The following SORCS1 variants were observed in gnomAD, a reference collection of about 807,000 sequenced individuals.
SORCS1 encodes the protein sortilin related VPS10 domain containing receptor 1, also known as VPS10 domain-containing receptor SorCS1.
In SORCS1, 60 loss-of-function variants were observed where a neutral mutation model predicts 146.1. The observed-to-expected ratio is 0.41, with a 90% CI of 0.33 to 0.51. The LOEUF (loss-of-function observed/expected upper bound fraction) is 0.51. Ranked by LOEUF, SORCS1 falls within the 20% of genes least tolerant of loss-of-function variation. SORCS1 has a pLI of 0.21. For synonymous variants in SORCS1, 637 were observed against 584.0 expected (o/e 1.09, Z -1.31); for missense variants, 1,352 against 1,487.6 (o/e 0.91, Z 1.50).
At chr10:106,874,206 T>C (rs1950521390) in intron 2 of SORCS1, among the ~76,000 whole-genome samples, 1 of 152,232 alleles carries the variant, frequency 6.6e-6, no homozygotes, top group Non-Finnish European at 1.5e-5. Flanking sequence ...TTAAATCTTA[T>C]ATATTATCAG....
chr10:106,645,570 G>A (rs1304063012), intron 18 of SORCS1, among the ~76,000 whole-genome samples: 2 of 152,006 alleles, frequency 1.3e-5, no homozygotes, highest in African/African-American at 4.8e-5. Flanking sequence ...GCATTACATA[G>A]GGATGTTCCG....
chr10:106,596,427 G>A (rs990616474), intron 24 of SORCS1, among the ~76,000 whole-genome samples: 2 of 152,124 alleles, frequency 1.3e-5, no homozygotes, highest in Non-Finnish European at 2.9e-5. Flanking sequence ...GTTTCTAAGT[G>A]CTTGTATTAT....
chr10:106,829,782 T>C (rs969246077), intron 2 of SORCS1, 109 bp from the exon 3 acceptor site: 2 of 695,078 alleles, frequency 2.9e-6, no homozygotes, highest in Admixed American at 4.3e-5. Flanking sequence ...GGTTTCTCAA[T>C]GATTCATGTA....
chr10:106,778,701 C>T (rs1385871212), intron 3 of SORCS1, among the ~76,000 whole-genome samples: 2 of 152,092 alleles, frequency 1.3e-5, no homozygotes, highest in Non-Finnish European at 2.9e-5. Flanking sequence ...TGCACTACTG[C>T]CGAAAAGTCA....
intron 2 of SORCS1, among the ~76,000 whole-genome samples, chr10:106,842,659 C>T (rs1437502499): frequency 1.3e-5 from 2 of 152,154 alleles, no homozygotes; most frequent in Non-Finnish European, 2.9e-5. Flanking sequence ...TGTTGTTTCC[C>T]AGGCTGGAGT....
At chr10:106,839,317 A>G (rs1948921107) in intron 2 of SORCS1, among the ~76,000 whole-genome samples, 1 of 152,214 alleles carries the variant, frequency 6.6e-6, no homozygotes, top group Non-Finnish European at 1.5e-5. Context: ...AAAGTCAAAC[A>G]GGTTTATTGC....
At chr10:106,941,857 C>A (rs562836098) in intron 2 of SORCS1, among the ~76,000 whole-genome samples, 1 of 152,134 alleles carries the variant, frequency 6.6e-6, no homozygotes, top group Non-Finnish European at 1.5e-5. Flanking sequence ...CAGGGACTGC[C>A]GGTTGTGGTT....
chr10:106,998,157 C>T (rs937477411), intron 1 of SORCS1, among the ~76,000 whole-genome samples: 9 of 152,172 alleles, frequency 5.9e-5, no homozygotes, highest in South Asian at 2.1e-4. Flanking sequence ...TGTTTATATC[C>T]GCTGCTTTTA....
chr10:106,980,132 A>G (rs1162862575), intron 1 of SORCS1, among the ~76,000 whole-genome samples: 2 of 152,216 alleles, frequency 1.3e-5, no homozygotes, highest in African/African-American at 4.8e-5. Flanking sequence ...TATTTGTAAA[A>G]TCTAACAAAT....
intron 2 of SORCS1, among the ~76,000 whole-genome samples, chr10:106,908,885 C>T (rs753494218): frequency 1.5e-4 from 23 of 152,194 alleles, no homozygotes; most frequent in African/African-American, 4.3e-4. Flanking sequence ...CAGCCTCCAC[C>T]ACCCAATTTC....
chr10:106,709,495 C>A (rs1027806363), intron 6 of SORCS1, among the ~76,000 whole-genome samples, 154 bp from the exon 7 acceptor site: 14 of 131,114 alleles, frequency 1.1e-4, no homozygotes, highest in Non-Finnish European at 2.1e-4. Context: ...GTCGCCCAGG[C>A]TGGAGTGCAG....
chr10:106,708,245 GGTGTGTGT>G (rs58427067), intron 7 of SORCS1, among the ~76,000 whole-genome samples: 3 of 148,798 alleles, frequency 2.0e-5, no homozygotes, highest in South Asian at 2.1e-4. Context: ...ATAAAGAAAT[GGTGTGTGT>G]GTGTGTGTGT....
At chr10:107,039,963 T>C (rs1298958541) in intron 1 of SORCS1, among the ~76,000 whole-genome samples, 5 of 152,026 alleles carry the variant, frequency 3.3e-5, no homozygotes, top group Admixed American at 1.3e-4. Flanking sequence ...AGAAAAAAAT[T>C]AGCCAGGCTC....
chr10:106,747,335 G>A (rs1857814256), intron 5 of SORCS1, among the ~76,000 whole-genome samples: 1 of 152,208 alleles, frequency 6.6e-6, no homozygotes. Flanking sequence ...GACAGACCAA[G>A]TTCCATTCCC....
chr10:106,595,837 T>C (rs1845874991), intron 24 of SORCS1, among the ~76,000 whole-genome samples: 1 of 152,202 alleles, frequency 6.6e-6, no homozygotes, highest in Non-Finnish European at 1.5e-5. Context: ...ACTTTAAGGT[T>C]CTTCCTCGAA....
intron 1 of SORCS1, among the ~76,000 whole-genome samples, chr10:107,147,774 T>C (rs1032599634): frequency 2.0e-5 from 3 of 152,140 alleles, no homozygotes; most frequent in African/African-American, 7.2e-5. Flanking sequence ...AATACTGGCA[T>C]ATAAAAATAA....
intron 1 of SORCS1, among the ~76,000 whole-genome samples, chr10:107,115,989 A>G (rs978389094): frequency 6.6e-6 from 1 of 152,108 alleles, no homozygotes; most frequent in African/African-American, 2.4e-5. Context: ...GGCTATTTGT[A>G]TGTTTTCTTT....
intron 3 of SORCS1, among the ~76,000 whole-genome samples, chr10:106,801,060 T>C (rs183805404): frequency 6.6e-6 from 1 of 152,332 alleles, no homozygotes; most frequent in East Asian, 1.9e-4. Flanking sequence ...TCACTATCTC[T>C]AGGGCCTCTA....
chr10:106,580,345 A>G (rs1713738602), intron 24 of SORCS1, among the ~76,000 whole-genome samples: 1 of 152,182 alleles, frequency 6.6e-6, no homozygotes, highest in Non-Finnish European at 1.5e-5. Flanking sequence ...CTCTGCCTCC[A>G]TGAAAGAGTC....
Sources: allele counts gnomAD v4.1 joint callset (sites outside exome capture counted in the v4.1 genomes callset), GRCh38; gene constraint gnomAD v4.1.1; transcripts MANE v1.5; gene names NCBI Gene and HGNC (gene_info 2026-07-23, HGNC 2026-07-21).